MAF: variants seen among roughly 807,000 people sequenced by gnomAD.
MAF encodes the protein transcription factor Maf.
In MAF, 10 loss-of-function variants were observed where a neutral mutation model predicts 22.0. That is an observed-to-expected ratio of 0.45 (90% CI 0.28 to 0.77). The LOEUF is 0.77. MAF is among the 30% of genes least tolerant of loss of function. MAF has a pLI of 0.12. For missense variants in MAF, 544 were observed against 548.4 expected (o/e 0.99, Z 0.08); for synonymous variants, 337 against 255.8 (o/e 1.32, Z -3.03).
rs747229902 is a variant in MAF at position 79,598,774 on chromosome 16, G to A, written c.1118+11C>T. On this transcript the variant is annotated intron_variant, in intron 1 of 1. Coordinates refer to ENST00000326043, the MANE Select transcript of MAF (RefSeq NM_005360.5). Reference sequence around the variant, plus strand: ...TCAGGGTGGCTAGCTGGAATCGCGTGTCAGACTCACATGAAAAACTCGGGA... The same window carrying A: ...TCAGGGTGGCTAGCTGGAATCGCGTATCAGACTCACATGAAAAACTCGGGA... 2 of 1,613,806 alleles carry A rather than the reference G, an allele frequency of 1.2e-6. No homozygotes were observed. The highest frequency in any genetic ancestry group is 1.3e-5 in the African/African-American group (1 of 74,934).
the MAF span, among the ~76,000 whole-genome samples, chr16:79,209,067 C>G: frequency 6.6e-6 from 1 of 152,198 alleles, no homozygotes; most frequent in Non-Finnish European, 1.5e-5. Flanking sequence ...GCCAGAGCCA[C>G]TTGTGATGGA....
the MAF span, among the ~76,000 whole-genome samples, chr16:79,235,215 A>C: frequency 6.6e-6 from 1 of 152,042 alleles, no homozygotes; most frequent in Non-Finnish European, 1.5e-5. Flanking sequence ...AGCAGCTGGC[A>C]GTCAATTTAC....
At chr16:79,409,495 G>C in the MAF span, among the ~76,000 whole-genome samples, 140,226 of 152,276 alleles carry the variant, frequency 0.92, 65,295 homozygotes, top group East Asian at 1. Flanking sequence ...GATAGCTTGG[G>C]TCCAGCATTT....
chr16:79,323,591 C>A, the MAF span, among the ~76,000 whole-genome samples: 8 of 152,226 alleles, frequency 5.3e-5, no homozygotes, highest in South Asian at 8.3e-4. Flanking sequence ...CACACGCTCC[C>A]ATGGGCACCG....
At chr16:79,549,080 C>G in the MAF span, among the ~76,000 whole-genome samples, 1 of 152,152 alleles carries the variant, frequency 6.6e-6, no homozygotes, top group African/African-American at 2.4e-5. Context: ...ATCATTACCT[C>G]CTTTGAAGGA....
the MAF span, among the ~76,000 whole-genome samples, chr16:79,210,572 CCT>C: frequency 6.6e-6 from 1 of 152,134 alleles, no homozygotes; most frequent in East Asian, 1.9e-4. Context: ...AACCCCTCTC[CCT>C]CTCATCAGCT....
the MAF span, among the ~76,000 whole-genome samples, chr16:79,579,428 G>A: frequency 6.6e-6 from 1 of 151,992 alleles, no homozygotes; most frequent in Non-Finnish European, 1.5e-5. Flanking sequence ...TACCATACAA[G>A]CCTCATTACT....
chr16:79,361,022 A>G, the MAF span, among the ~76,000 whole-genome samples: 2 of 152,174 alleles, frequency 1.3e-5, no homozygotes, highest in African/African-American at 2.4e-5. Flanking sequence ...AGCAATATTT[A>G]TGTTACTAAA....
the MAF span, among the ~76,000 whole-genome samples, chr16:79,254,174 ATATTAT>A: frequency 6.6e-6 from 1 of 152,292 alleles, no homozygotes; most frequent in East Asian, 1.9e-4. Flanking sequence ...ATAATCAAGC[ATATTAT>A]TATTCAACAT....
At chr16:79,216,350 C>CAT in the MAF span, among the ~76,000 whole-genome samples, 2 of 152,142 alleles carry the variant, frequency 1.3e-5, no homozygotes, top group African/African-American at 4.8e-5. Flanking sequence ...ATATGTATTG[C>CAT]ATATATATGT....
chr16:79,587,045 C>G (rs866321931), intron 1 of MAF, among the ~76,000 whole-genome samples: 2 of 152,290 alleles, frequency 1.3e-5, no homozygotes, highest in South Asian at 4.1e-4. Flanking sequence ...AACATATAAT[C>G]TTTCTTTACT....
At chr16:79,523,037 G>C in the MAF span, among the ~76,000 whole-genome samples, 1 of 152,190 alleles carries the variant, frequency 6.6e-6, no homozygotes, top group African/African-American at 2.4e-5. Flanking sequence ...CATGATAATA[G>C]CATAAGAGTC....
chr16:79,538,499 T>G, the MAF span, among the ~76,000 whole-genome samples: 1 of 152,190 alleles, frequency 6.6e-6, no homozygotes, highest in African/African-American at 2.4e-5. Flanking sequence ...TGGAATCTTT[T>G]CAAACACTAA....
the MAF span, among the ~76,000 whole-genome samples, chr16:79,316,469 G>A: frequency 6.6e-6 from 1 of 152,100 alleles, no homozygotes; most frequent in Admixed American, 6.6e-5. Flanking sequence ...TGTGTTTCTC[G>A]GTTTCCATGT....
the MAF span, among the ~76,000 whole-genome samples, chr16:79,350,311 G>C: frequency 6.6e-6 from 1 of 152,168 alleles, no homozygotes; most frequent in South Asian, 2.1e-4. Context: ...TGGAGTTACT[G>C]ACTCATATAG....
chr16:79,526,581 T>C, the MAF span, among the ~76,000 whole-genome samples: 3 of 152,190 alleles, frequency 2.0e-5, no homozygotes, highest in Non-Finnish European at 2.9e-5. Flanking sequence ...GTTTTAACTA[T>C]CAGGAGATAG....
At chr16:79,202,756 C>T in the MAF span, 1 of 152,096 alleles carries the variant, frequency 6.6e-6, no homozygotes, top group Non-Finnish European at 1.5e-5. Flanking sequence ...TAGCAGCATG[C>T]ATAGCTTGTT....
chr16:79,517,347 C>T, the MAF span, among the ~76,000 whole-genome samples: 1 of 152,220 alleles, frequency 6.6e-6, no homozygotes, highest in Non-Finnish European at 1.5e-5. Flanking sequence ...ATGCCGATGG[C>T]TTGCTCACAC....
the MAF span, among the ~76,000 whole-genome samples, chr16:79,389,773 C>T: frequency 2.0e-5 from 3 of 151,408 alleles, no homozygotes; most frequent in Non-Finnish European, 2.9e-5. Flanking sequence ...TCAAGAAATC[C>T]AAACCATGCT....
Sources: allele counts gnomAD v4.1 joint callset (sites outside exome capture counted in the v4.1 genomes callset), GRCh38; gene constraint gnomAD v4.1.1; transcripts MANE v1.5; gene names NCBI Gene and HGNC (gene_info 2026-07-23, HGNC 2026-07-21).